DGKG: variants seen among roughly 807,000 people sequenced by gnomAD.
DGKG encodes diacylglycerol kinase gamma.
In DGKG, 78 loss-of-function variants were observed where a neutral mutation model predicts 105.3. The ratio of observed to expected loss-of-function variants is 0.74; its 90% CI spans 0.62 to 0.89. The LOEUF (loss-of-function observed/expected upper bound fraction) is 0.89, where lower values mean the gene tolerates loss of function less well. Among genes scored for constraint, DGKG ranks in the 40% least tolerant of loss-of-function variants. DGKG has a pLI of 0.00. For missense variants in DGKG, 958 were observed against 1,020.1 expected, an observed-to-expected ratio of 0.94 and a Z score of 0.83; for synonymous variants, 346 against 367.1, an observed-to-expected ratio of 0.94 and a Z score of 0.66.
At chr3:186,333,189 T>C (rs1012031516) in intron 1 of DGKG, among the ~76,000 whole-genome samples, 2 of 152,106 alleles carry the variant, frequency 1.3e-5, no homozygotes, top group Non-Finnish European at 1.5e-5. Flanking sequence ...GTGGTCCTCA[T>C]CCCAGCAGCA....
Position 186,361,055 on chromosome 3 carries a change from G to A in DGKG, c.-249+891C>T, listed in dbSNP as rs951086359. On this transcript the variant is annotated intron_variant, in intron 1 of 24. Transcript: ENST00000265022. The surrounding 1 kb of genome is among the most constrained non-coding windows in gnomAD (Gnocchi z 6.8). ...CTGCAGCAGACGCTCCCGCCGCGGG[G>A]GGCGACTGGGGGAGGGGTCTCGACC... Among the ~76,000 whole-genome samples the A allele has an allele frequency of 6.6e-6, 1 of 152,214 alleles. No individual in the cohort carries two copies. Among genetic ancestry groups the A allele is most frequent in the Non-Finnish European group, 1.5e-5 (1 of 68,032 alleles).
At chr3:186,252,005 C>A in intron 18 of DGKG, 86 bp from the exon 19 acceptor site, 1 of 1,355,508 alleles carries the variant, frequency 7.4e-7, no homozygotes, top group South Asian at 1.5e-5. Context: ...GCAGGTAAGC[C>A]CAGGGCATCT....
intron 3 of DGKG, among the ~76,000 whole-genome samples, chr3:186,304,747 C>T (rs970035477): frequency 3.3e-5 from 5 of 152,130 alleles, no homozygotes; most frequent in Non-Finnish European, 7.3e-5. Flanking sequence ...AACTTCGAGG[C>T]TTTTTTTGTT....
At chr3:186,262,441 T>C (rs886111104) in intron 14 of DGKG, among the ~76,000 whole-genome samples, 1 of 152,198 alleles carries the variant, frequency 6.6e-6, no homozygotes, top group African/African-American at 2.4e-5. Flanking sequence ...TTACCTCTGG[T>C]AGCTGCCACA....
At chr3:186,304,405 A>T (rs574164620) in intron 3 of DGKG, among the ~76,000 whole-genome samples, 1 of 152,290 alleles carries the variant, frequency 6.6e-6, no homozygotes, top group Non-Finnish European at 1.5e-5. Flanking sequence ...GGTGTATTTT[A>T]TCCAAAGCCC....
At chr3:186,272,814 G>A (rs1289879195) in intron 10 of DGKG, among the ~76,000 whole-genome samples, 1 of 152,154 alleles carries the variant, frequency 6.6e-6, no homozygotes, top group African/African-American at 2.4e-5. Flanking sequence ...CGCCTCCCGG[G>A]TTCAAGCGAT....
At chr3:186,265,399 A>G in intron 13 of DGKG, 93 bp from the exon 14 acceptor site, 4 of 1,167,214 alleles carry the variant, frequency 3.4e-6, no homozygotes, top group Non-Finnish European at 5.0e-6. Context: ...TGATATAAAG[A>G]AAGAGATCAG....
chr3:186,298,027 C>T lies in DGKG; in HGVS notation c.310+37G>A, dbSNP rs368695714. On this transcript the variant is annotated intron_variant, in intron 4 of 24. Coordinates refer to ENST00000265022, the MANE Select transcript of DGKG (RefSeq NM_001346.3). Reference sequence around the variant, plus strand: ...TGGCTGTGGCAGGGGATGAGAGCTGCGCAAGGTCTTCCCATCTTGGGGAAA... The same window carrying T: ...TGGCTGTGGCAGGGGATGAGAGCTGTGCAAGGTCTTCCCATCTTGGGGAAA... The T allele has an allele frequency of 2.8e-4, 434 of 1,577,440 alleles. 3 individuals are homozygous for T. The Middle Eastern group carries it at 5.0e-3, about 18-fold the overall frequency.
intron 2 of DGKG, 152 bp downstream of exon 2, chr3:186,320,241 T>C (rs1433112357): frequency 2.2e-6 from 2 of 890,232 alleles, no homozygotes; most frequent in Admixed American, 3.0e-5. Context: ...TTATGTTAAA[T>C]ACACTAATTC....
At chr3:186,288,941 CTT>C in intron 5 of DGKG, 61 bp from the exon 6 acceptor site, 1 of 1,444,474 alleles carries the variant, frequency 6.9e-7, no homozygotes, top group Non-Finnish European at 9.3e-7. Flanking sequence ...ATTAACCCCT[CTT>C]TGTTACCCCA....
At chr3:186,180,245 A>T (rs999501000) in intron 22 of DGKG, among the ~76,000 whole-genome samples, 1 of 152,056 alleles carries the variant, frequency 6.6e-6, no homozygotes, top group African/African-American at 2.4e-5. Flanking sequence ...AGGGGGAAGG[A>T]TGTGTAAAGA....
At chr3:186,326,115 G>A (rs998201165) in intron 1 of DGKG, among the ~76,000 whole-genome samples, 4 of 152,148 alleles carry the variant, frequency 2.6e-5, no homozygotes, top group African/African-American at 9.7e-5. Context: ...GCGTGTGCTG[G>A]GCGTGGTGGC....
rs144440174 is a variant in DGKG at position 186,245,380 on chromosome 3, T to C, written c.1762-2812A>G. ...AAGACTCTGACCACGTTTCTCTATCTGGGGATTAAAAAGAGAGTCGAGATT... is the reference window on the plus strand; with the variant it reads ...AAGACTCTGACCACGTTTCTCTATCCGGGGATTAAAAAGAGAGTCGAGATT... On this transcript the variant is annotated intron_variant, in intron 19 of 24. Coordinates refer to ENST00000265022, the MANE Select transcript of DGKG (RefSeq NM_001346.3). Among the ~76,000 whole-genome samples, 215 of 152,306 alleles carry C rather than the reference T, an allele frequency of 1.4e-3. 2 individuals carry two copies. Among genetic ancestry groups the C allele is most frequent in the African/African-American group, 4.7e-3 (196 of 41,566 alleles).
intron 21 of DGKG, among the ~76,000 whole-genome samples, chr3:186,195,530 G>T (rs1364042973): frequency 6.6e-6 from 1 of 152,094 alleles, no homozygotes; most frequent in Non-Finnish European, 1.5e-5. Context: ...GAAGAAATGG[G>T]TCATTTGTCC....
intron 19 of DGKG, among the ~76,000 whole-genome samples, chr3:186,247,132 G>C (rs180762628): frequency 1.4e-4 from 22 of 152,312 alleles, no homozygotes; most frequent in Non-Finnish European, 3.2e-4. Flanking sequence ...CCTGCCAGTA[G>C]ATATTATCAG....
intron 2 of DGKG, among the ~76,000 whole-genome samples, chr3:186,308,092 G>A (rs1355747182): frequency 6.6e-6 from 1 of 152,006 alleles, no homozygotes; most frequent in African/African-American, 2.4e-5. Flanking sequence ...TCCCCTTAAT[G>A]TTCCCTCTAT....
chr3:186,204,819 T>C (rs367634216), intron 21 of DGKG, among the ~76,000 whole-genome samples: 22 of 152,260 alleles, frequency 1.4e-4, no homozygotes, highest in African/African-American at 5.1e-4. Flanking sequence ...TATAAATGCA[T>C]TTTCGGATTG....
In DGKG at chr3:186,284,835, C is replaced by A. The variant is rs1722988804; in HGVS notation, c.545-126G>T. 1.4e-6 allele frequency: 1 copy of A among 736,632 alleles called. No individual in the cohort carries two copies. Among genetic ancestry groups the A allele is most frequent in the South Asian group, 1.6e-5 (1 of 60,946 alleles). 45.6% of individuals were successfully genotyped at this position (736,632 alleles called of 1,614,324 possible). A position where few individuals can be genotyped will look rare whatever the true frequency, so the allele number is the denominator to read the frequency against. On this transcript the variant is annotated intron_variant, in intron 6 of 24. Coordinates refer to ENST00000265022, the MANE Select transcript of DGKG (RefSeq NM_001346.3). This position sits in a 1 kb window ranked among gnomAD's most constrained non-coding sequence, Gnocchi z 4.0. The stretch of plus-strand genomic sequence containing the variant: ...GTGACGAAGGTTATGGCAGCCAGCT[C>A]TCCCTCCCTCTGAGCACAGAGTCTG...
chr3:186,319,128 T>A (rs1461490178), intron 2 of DGKG, among the ~76,000 whole-genome samples: 1 of 152,186 alleles, frequency 6.6e-6, no homozygotes, highest in Non-Finnish European at 1.5e-5. Flanking sequence ...TTGCTTCTTG[T>A]CAATATATTA....
Sources: allele counts gnomAD v4.1 joint callset (sites outside exome capture counted in the v4.1 genomes callset), GRCh38; gene constraint gnomAD v4.1.1; non-coding constraint Gnocchi (gnomAD v3.1); transcripts MANE v1.5; gene names NCBI Gene and HGNC (gene_info 2026-07-23, HGNC 2026-07-21).